The following FGF14 variants were observed in gnomAD, a reference collection of about 807,000 sequenced individuals.
FGF14 encodes fibroblast growth factor homologous factor 4.
A neutral mutation model predicts 25.5 loss-of-function variants in FGF14; 5 were observed. The ratio of observed to expected loss-of-function variants is 0.20; its 90% CI spans 0.10 to 0.41. FGF14 has a LOEUF of 0.41. Ranked by LOEUF, FGF14 falls within the 10% of genes least tolerant of loss-of-function variation. The probability of loss-of-function intolerance (pLI) is 1.00; values close to 1 mark genes in which losing one functional copy is unlikely to be tolerated. For synonymous variants in FGF14, 138 were observed against 118.3 expected, an observed-to-expected ratio of 1.17 and a Z score of -1.08; for missense variants, 222 against 320.1, an observed-to-expected ratio of 0.69 and a Z score of 2.34.
intron 1 of FGF14, among the ~76,000 whole-genome samples, chr13:102,391,955 A>G (rs998110063): frequency 6.6e-6 from 1 of 152,254 alleles, no homozygotes; most frequent in Non-Finnish European, 1.5e-5. Flanking sequence ...AAGGACTACA[A>G]TTATGAGATA....
chr13:102,010,123 C>T (rs1420160634), intron 1 of FGF14, among the ~76,000 whole-genome samples: 1 of 152,132 alleles, frequency 6.6e-6, no homozygotes, highest in Non-Finnish European at 1.5e-5. Context: ...GTTATTTTCA[C>T]ACTCCAAATG....
chr13:102,248,080 C>T (rs1451804911), intron 1 of FGF14, among the ~76,000 whole-genome samples: 2 of 151,858 alleles, frequency 1.3e-5, no homozygotes, highest in Non-Finnish European at 2.9e-5. Flanking sequence ...GACACTGGGG[C>T]CTATTTGAGG....
intron 1 of FGF14, among the ~76,000 whole-genome samples, chr13:102,019,886 G>A (rs956779852): frequency 6.6e-6 from 1 of 152,116 alleles, no homozygotes; most frequent in Non-Finnish European, 1.5e-5. Flanking sequence ...ATTCAACGCA[G>A]GTGTGAACAT....
chr13:102,154,845 A>G (rs2047252996), intron 1 of FGF14, among the ~76,000 whole-genome samples: 1 of 152,150 alleles, frequency 6.6e-6, no homozygotes, highest in African/African-American at 2.4e-5. Context: ...GGAAAAAAAA[A>G]AGGCAGGGGT....
rs1244733904 is a variant in FGF14 at position 101,722,137 on chromosome 13, A to C, written c.*694T>G. Reference sequence around the variant, plus strand: ...CAGGCAATGCCGACCTTGGGAGCACAGTATCTGCTACTGGACAGAGCGTAT... The same window carrying C: ...CAGGCAATGCCGACCTTGGGAGCACCGTATCTGCTACTGGACAGAGCGTAT... On this transcript the variant is annotated 3_prime_UTR_variant, in exon 5 of 5. Coordinates refer to ENST00000376143, the MANE Select transcript of FGF14 (RefSeq NM_004115.4). 6.5e-6 allele frequency: 1 copy of C among 153,662 alleles called. No individual in the cohort carries two copies. The highest frequency in any genetic ancestry group is 1.4e-5 in the Non-Finnish European group (1 of 69,116). The allele number at this position is 153,662 out of a possible 1,614,324, so 9.5% of individuals were successfully genotyped here.
chr13:102,219,360 G>T (rs2050511433), intron 1 of FGF14, among the ~76,000 whole-genome samples: 1 of 152,028 alleles, frequency 6.6e-6, no homozygotes, highest in Non-Finnish European at 1.5e-5. Flanking sequence ...CCATGCAATG[G>T]TTACCCCAGA....
At chr13:102,338,457 T>C (rs1421113779) in intron 1 of FGF14, among the ~76,000 whole-genome samples, 2 of 152,196 alleles carry the variant, frequency 1.3e-5, no homozygotes, top group African/African-American at 2.4e-5. Flanking sequence ...CAACCAAAAA[T>C]GATCTGGCTG....
At chr13:102,392,940 C>A (rs760530245) in intron 1 of FGF14, among the ~76,000 whole-genome samples, 27 of 152,168 alleles carry the variant, frequency 1.8e-4, no homozygotes, top group Non-Finnish European at 3.4e-4. Flanking sequence ...AGAGAGCTCA[C>A]GATCTGTGCC....
chr13:101,893,509 T>C (rs2030105941), intron 1 of FGF14, among the ~76,000 whole-genome samples: 1 of 152,012 alleles, frequency 6.6e-6, no homozygotes, highest in Non-Finnish European at 1.5e-5. Flanking sequence ...CAAGATTAAG[T>C]TAGGGACTGT....
chr13:102,050,880 A>G (rs1190232915), intron 1 of FGF14, among the ~76,000 whole-genome samples: 13 of 152,246 alleles, frequency 8.5e-5, no homozygotes, highest in Admixed American at 8.5e-4. Flanking sequence ...TGGACCTATC[A>G]ATATCAGCCC....
intron 3 of FGF14, among the ~76,000 whole-genome samples, chr13:101,815,731 C>G (rs932915240): frequency 5.3e-4 from 81 of 151,996 alleles, no homozygotes; most frequent in Non-Finnish European, 1.1e-3. Flanking sequence ...GATAATACCC[C>G]CCCACCCCAT....
Position 101,916,884 on chromosome 13 carries a change from A to G in FGF14, c.-239T>C, listed in dbSNP as rs2139131044. Among the ~76,000 whole-genome samples, 1 of 152,142 alleles carries G rather than the reference A, an allele frequency of 6.6e-6. No individual in the cohort carries two copies. Among genetic ancestry groups the G allele is most frequent in the Non-Finnish European group, 1.5e-5 (1 of 67,942 alleles). On this transcript the variant is annotated 5_prime_UTR_variant, in exon 1 of 5. Coordinates refer to ENST00000376143, the MANE Select transcript of FGF14 (RefSeq NM_004115.4). ...AGGGCGCAGCCGGACGATCCCGGGA[A>G]GCCGGACGTCGTGGCCGCCGCCGCT...
intron 1 of FGF14, among the ~76,000 whole-genome samples, chr13:101,890,468 A>C (rs1005327115): frequency 2.0e-5 from 3 of 152,162 alleles, no homozygotes; most frequent in African/African-American, 7.2e-5. Flanking sequence ...CTGTTCCTCT[A>C]AGTCCCTCCA....
intron 1 of FGF14, among the ~76,000 whole-genome samples, chr13:102,276,531 G>C (rs1221077613): frequency 6.6e-6 from 1 of 151,860 alleles, no homozygotes; most frequent in East Asian, 1.9e-4. Flanking sequence ...CTCCAGCTCT[G>C]AAAAGATTGT....
intron 3 of FGF14, among the ~76,000 whole-genome samples, chr13:101,786,339 T>C (rs1176481437): frequency 1.3e-5 from 2 of 152,208 alleles, no homozygotes; most frequent in African/African-American, 4.8e-5. Context: ...TTCTTGATGA[T>C]GAAGAGAAAA....
chr13:102,022,759 A>C (rs2040725019), intron 1 of FGF14, among the ~76,000 whole-genome samples: 2 of 152,116 alleles, frequency 1.3e-5, no homozygotes, highest in South Asian at 2.1e-4. Context: ...TTAAACTATA[A>C]AAAAGAGAAT....
chr13:101,853,684 A>G (rs9513964), intron 3 of FGF14, among the ~76,000 whole-genome samples: 39,612 of 151,612 alleles, frequency 0.26, 6,479 homozygotes, highest in South Asian at 0.38. Flanking sequence ...TGAAGCTCCT[A>G]TCCTCAAGTG....
At chr13:102,146,562 G>T (rs989611992) in intron 1 of FGF14, among the ~76,000 whole-genome samples, 4 of 152,050 alleles carry the variant, frequency 2.6e-5, no homozygotes, top group Admixed American at 1.3e-4. Flanking sequence ...TCTTTTCCAT[G>T]GTCTTTGTAA....
At chr13:101,933,248 T>A (rs1039657959) in intron 1 of FGF14, among the ~76,000 whole-genome samples, 16 of 152,224 alleles carry the variant, frequency 1.1e-4, no homozygotes, top group African/African-American at 3.6e-4. Context: ...TGCATGTGTT[T>A]GCAGACATTC....
Sources: allele counts gnomAD v4.1 joint callset (sites outside exome capture counted in the v4.1 genomes callset), GRCh38; gene constraint gnomAD v4.1.1; transcripts MANE v1.5; gene names NCBI Gene and HGNC (gene_info 2026-07-23, HGNC 2026-07-21).